The following SLX4IP variants were observed in gnomAD, a reference collection of about 807,000 sequenced individuals.
The protein encoded by SLX4IP is protein SLX4IP.
Under a neutral mutation model 32.9 loss-of-function variants are expected in SLX4IP, and 34 were observed. The ratio of observed to expected loss-of-function variants is 1.03; its 90% CI spans 0.79 to 1.38. The LOEUF is 1.38. SLX4IP is among the 40% of genes most tolerant of loss of function. The pLI, the probability that SLX4IP is intolerant of heterozygous loss-of-function variation, is 0.00. For synonymous variants in SLX4IP, 172 were observed against 171.7 expected, an observed-to-expected ratio of 1.00 and a Z score of -0.01; for missense variants, 444 against 479.0, an observed-to-expected ratio of 0.93 and a Z score of 0.68.
At chr20:10,600,309 A>G (rs1438828498) in intron 5 of SLX4IP, among the ~76,000 whole-genome samples, 1 of 152,182 alleles carries the variant, frequency 6.6e-6, no homozygotes, top group Non-Finnish European at 1.5e-5. Context: ...CTCATGAGGA[A>G]GGCTAATTGG....
At chr20:10,502,614 G>A (rs2065728485) in intron 2 of SLX4IP, among the ~76,000 whole-genome samples, 1 of 142,834 alleles carries the variant, frequency 7.0e-6, no homozygotes, top group Non-Finnish European at 1.5e-5. Flanking sequence ...TTTGCAGCGT[G>A]TACTCCCTCT....
At chr20:10,507,112 T>C (rs958510041) in intron 2 of SLX4IP, among the ~76,000 whole-genome samples, 2 of 152,196 alleles carry the variant, frequency 1.3e-5, no homozygotes, top group Admixed American at 6.5e-5. Flanking sequence ...AAGGCCTGCT[T>C]GAGAAGACTT....
intron 2 of SLX4IP, among the ~76,000 whole-genome samples, chr20:10,503,885 A>G (rs924272032): frequency 6.6e-6 from 1 of 152,180 alleles, no homozygotes; most frequent in Non-Finnish European, 1.5e-5. Flanking sequence ...TTCTTCTCTT[A>G]GAAGAACAAC....
chr20:10,614,920 C>T (rs553434812), intron 6 of SLX4IP, among the ~76,000 whole-genome samples: 2 of 152,218 alleles, frequency 1.3e-5, no homozygotes, highest in Admixed American at 1.3e-4. Flanking sequence ...ATAATGTAAT[C>T]CAAGTTGAAA....
chr20:10,533,507 G>A (rs186938714), intron 2 of SLX4IP, among the ~76,000 whole-genome samples: 76 of 152,036 alleles, frequency 5.0e-4, no homozygotes, highest in African/African-American at 1.7e-3. Context: ...TAGTAGAGGC[G>A]GGGTTTTACC....
At chr20:10,566,484 A>T (rs542218647) in intron 4 of SLX4IP, among the ~76,000 whole-genome samples, 51 of 152,208 alleles carry the variant, frequency 3.4e-4, no homozygotes, top group Non-Finnish European at 6.9e-4. Context: ...GTACTAAGGA[A>T]GCAGAGTCAT....
At chr20:10,449,018 C>T (rs1017864374) in intron 1 of SLX4IP, among the ~76,000 whole-genome samples, 3 of 152,146 alleles carry the variant, frequency 2.0e-5, no homozygotes, top group Admixed American at 6.5e-5. Context: ...TGTACTCCTT[C>T]CACCATGGAT....
chr20:10,571,848 G>A (rs2066470168), intron 4 of SLX4IP, among the ~76,000 whole-genome samples: 2 of 152,166 alleles, frequency 1.3e-5, no homozygotes, highest in African/African-American at 4.8e-5. Context: ...AGATGAAAGT[G>A]GCCTGTGAAT....
chr20:10,485,536 G>C (rs2065564467), intron 2 of SLX4IP, among the ~76,000 whole-genome samples: 1 of 151,690 alleles, frequency 6.6e-6, no homozygotes, highest in Non-Finnish European at 1.5e-5. Flanking sequence ...AGAATCGCTT[G>C]AACCCAGGAG....
intron 4 of SLX4IP, among the ~76,000 whole-genome samples, chr20:10,571,493 G>A (rs534611728): frequency 7.6e-4 from 115 of 152,228 alleles, no homozygotes; most frequent in Admixed American, 2.0e-3. Context: ...TCCCCTGTGT[G>A]TGCCCTCCTC....
intron 2 of SLX4IP, among the ~76,000 whole-genome samples, chr20:10,475,155 G>C (rs765184407): frequency 6.6e-6 from 1 of 152,224 alleles, no homozygotes; most frequent in Non-Finnish European, 1.5e-5. Context: ...GAGGGCCAGA[G>C]CCAGATCCCT....
intron 1 of SLX4IP, among the ~76,000 whole-genome samples, chr20:10,445,062 A>C (rs2065190701): frequency 6.6e-6 from 1 of 152,118 alleles, no homozygotes; most frequent in Non-Finnish European, 1.5e-5. Flanking sequence ...TTTAGATATC[A>C]CAACTAATTG....
At chr20:10,572,482 C>T (rs2066477309) in intron 4 of SLX4IP, among the ~76,000 whole-genome samples, 2 of 152,038 alleles carry the variant, frequency 1.3e-5, no homozygotes, top group African/African-American at 4.8e-5. Flanking sequence ...GAAATAGACC[C>T]CCAAACAGAG....
chr20:10,586,636 A>G (rs2066648627), intron 4 of SLX4IP, among the ~76,000 whole-genome samples: 2 of 152,206 alleles, frequency 1.3e-5, no homozygotes, highest in African/African-American at 4.8e-5. Context: ...AAAGAGGGAA[A>G]AAAAGATGAA....
At chr20:10,568,450 G>C (rs1308459207) in intron 4 of SLX4IP, among the ~76,000 whole-genome samples, 2 of 152,194 alleles carry the variant, frequency 1.3e-5, no homozygotes, top group Non-Finnish European at 2.9e-5. Context: ...ACTGATGCTA[G>C]GTGCTGTAGT....
At chr20:10,501,947 G>A (rs2065723179) in intron 2 of SLX4IP, among the ~76,000 whole-genome samples, 1 of 152,216 alleles carries the variant, frequency 6.6e-6, no homozygotes, top group East Asian at 1.9e-4. Flanking sequence ...ACAGTACTCT[G>A]ATGAGAGCAC....
At chr20:10,464,773 C>CT (rs35108991) in intron 2 of SLX4IP, among the ~76,000 whole-genome samples, 6 of 151,520 alleles carry the variant, frequency 4.0e-5, no homozygotes, top group East Asian at 1.9e-4. Context: ...CATATGAATA[C>CT]TTTTTTTTTG....
Position 10,538,310 on chromosome 20 carries a change from G to A in SLX4IP, c.28-17921G>A, listed in dbSNP as rs149491333. 5.7e-3 allele frequency among the ~76,000 whole-genome samples: 875 copies of A among 152,182 alleles called. 7 individuals are homozygous for A. Among genetic ancestry groups the A allele is most frequent in the African/African-American group, 0.02 (829 of 41,494 alleles). On this transcript the variant is annotated intron_variant, in intron 2 of 7. Transcript: ENST00000334534. The stretch of plus-strand genomic sequence containing the variant: ...TTTTAGACAAGGTTTCTCTACTTTG[G>A]CACTAATGACATTATAGACCAGATG...
chr20:10,529,366 A>G (rs929343741), intron 2 of SLX4IP, among the ~76,000 whole-genome samples: 2 of 152,028 alleles, frequency 1.3e-5, no homozygotes, highest in Non-Finnish European at 2.9e-5. Flanking sequence ...AGGCGGGTGG[A>G]TCACTTGAGG....
Sources: allele counts gnomAD v4.1 joint callset (sites outside exome capture counted in the v4.1 genomes callset), GRCh38; gene constraint gnomAD v4.1.1; transcripts MANE v1.5; gene names NCBI Gene and HGNC (gene_info 2026-07-23, HGNC 2026-07-21).